FAM193A: variants seen among roughly 807,000 people sequenced by gnomAD.
FAM193A encodes protein FAM193A.
In FAM193A, 22 loss-of-function variants were observed where a neutral mutation model predicts 126.5. That is an observed-to-expected ratio of 0.17 (90% CI 0.12 to 0.25). FAM193A has a LOEUF of 0.25. Among genes scored for constraint, FAM193A ranks in the 10% least tolerant of loss-of-function variants. The pLI, the probability that FAM193A is intolerant of heterozygous loss-of-function variation, is 1.00. For synonymous variants in FAM193A, 761 were observed against 646.8 expected, an observed-to-expected ratio of 1.18 and a Z score of -2.68; for missense variants, 1,675 against 1,672.8, an observed-to-expected ratio of 1.00 and a Z score of -0.02.
intron 1 of FAM193A, among the ~76,000 whole-genome samples, chr4:2,562,366 C>G (rs145473255): frequency 9.9e-5 from 15 of 152,168 alleles, no homozygotes; most frequent in Admixed American, 2.6e-4. Context: ...GCAGAAGGAT[C>G]GCTTGAGCTT....
At chr4:2,607,257 G>A (rs975317194) in intron 2 of FAM193A, among the ~76,000 whole-genome samples, 3 of 151,788 alleles carry the variant, frequency 2.0e-5, no homozygotes, top group African/African-American at 4.8e-5. Context: ...CTTTTTTCCC[G>A]CCTCACAGCT....
At chr4:2,631,322 C>T (rs975233613) in intron 5 of FAM193A, among the ~76,000 whole-genome samples, 153 bp downstream of exon 5, 6 of 152,138 alleles carry the variant, frequency 3.9e-5, no homozygotes, top group African/African-American at 1.2e-4. Flanking sequence ...GACCTGTTTC[C>T]TCTCCTCTTT....
At chr4:2,549,752 G>A (rs1022616044) in intron 1 of FAM193A, among the ~76,000 whole-genome samples, 3 of 151,386 alleles carry the variant, frequency 2.0e-5, no homozygotes, top group Non-Finnish European at 1.5e-5. Flanking sequence ...CTTTGAGATG[G>A]AGTCTCACTC....
At chr4:2,646,570 C>T (rs1248253929) in intron 6 of FAM193A, 115 bp from the exon 7 acceptor site, 9 of 1,139,306 alleles carry the variant, frequency 7.9e-6, no homozygotes, top group Non-Finnish European at 1.1e-5. Flanking sequence ...ACCCTGTTTT[C>T]CACGTTGGGA....
intron 1 of FAM193A, among the ~76,000 whole-genome samples, chr4:2,565,245 T>C (rs1413638552): frequency 1.4e-5 from 2 of 138,244 alleles, no homozygotes; most frequent in African/African-American, 5.4e-5. Context: ...TACACAATGA[T>C]AGAGTAGCCT....
rs372601273 is a variant in FAM193A at position 2,645,230 on chromosome 4, T to C, written c.1164-1455T>C. On this transcript the variant is annotated intron_variant, in intron 6 of 20. Coordinates refer to ENST00000637812, the MANE Select transcript of FAM193A (RefSeq NM_001366318.2). Reference sequence around the variant, plus strand: ...TGCTCTTGATATATTATAAACATGGTATTTGATTCTAAGCCATCCTTGTCA... The same window carrying C: ...TGCTCTTGATATATTATAAACATGGCATTTGATTCTAAGCCATCCTTGTCA... Among the ~76,000 whole-genome samples the C allele has an allele frequency of 2.6e-5, 4 of 152,348 alleles. 1 individual carries two copies. Among genetic ancestry groups the C allele is most frequent in the East Asian group, 1.9e-4 (1 of 5,190 alleles).
chr4:2,631,253 G>A, intron 5 of FAM193A, 84 bp downstream of exon 5: 1 of 1,309,104 alleles, frequency 7.6e-7, no homozygotes, highest in South Asian at 1.4e-5. Context: ...ACGCATGTGT[G>A]CCGACCTCGC....
At position 2,732,153 on chromosome 4, in the gene FAM193A, G is replaced by C. The variant is rs183426548; in HGVS notation, c.*285G>C. On this transcript the variant is annotated 3_prime_UTR_variant, in exon 21 of 21. Coordinates refer to ENST00000637812, the MANE Select transcript of FAM193A (RefSeq NM_001366318.2). ...CACCGCGGCCTCGGAGGCCTGGGCC[G>C]TGGCCAGATAGGAGTTTGCATCATC... 4 of 455,736 alleles carry C rather than the reference G, an allele frequency of 8.8e-6. No individual in the cohort carries two copies. In the Admixed American group the frequency reaches 1.4e-4, roughly 16 times the overall value. The allele number at this position is 455,736 out of a possible 1,614,324, so 28.2% of individuals were successfully genotyped here. A position where few individuals can be genotyped will look rare whatever the true frequency, so the allele number is the denominator to read the frequency against.
intron 20 of FAM193A, among the ~76,000 whole-genome samples, chr4:2,728,045 C>T (rs150389209): frequency 0.047 from 7,186 of 152,038 alleles, 532 homozygotes; most frequent in African/African-American, 0.15. Flanking sequence ...GATGCTCCTG[C>T]CTCAGCATCC....
chr4:2,626,535 C>T lies in FAM193A; in HGVS notation c.761C>T (p.Ser254Phe). Reference protein sequence around the residue: ...GTPLADDQDQSLVPDKEGVKE... With the variant: ...GTPLADDQDQFLVPDKEGVKE... Reference sequence around the variant, plus strand: ...CCGCTGGCAGATGACCAGGACCAGTCTCTGGTGCCTGACAAGGAGGGAGTG... The same window carrying T: ...CCGCTGGCAGATGACCAGGACCAGTTTCTGGTGCCTGACAAGGAGGGAGTG... Residue 254 changes from serine (S) to phenylalanine (F), a missense_variant, in exon 4 of 21, where the codon TCT (serine) becomes TTT (phenylalanine). Transcript: ENST00000637812. 1 of 702,192 alleles carries T rather than the reference C, an allele frequency of 1.4e-6. No homozygotes were observed. Among genetic ancestry groups the T allele is most frequent in the Non-Finnish European group, 2.6e-6 (1 of 384,876 alleles). 43.5% of individuals were successfully genotyped at this position (702,192 alleles called of 1,614,324 possible). A position where few individuals can be genotyped will look rare whatever the true frequency, so the allele number is the denominator to read the frequency against.
intron 2 of FAM193A, among the ~76,000 whole-genome samples, chr4:2,598,882 T>A (rs1741026760): frequency 6.6e-6 from 1 of 152,172 alleles, no homozygotes; most frequent in Non-Finnish European, 1.5e-5. Flanking sequence ...AGTTCCCCCC[T>A]CTAGCCTGAC....
intron 1 of FAM193A, among the ~76,000 whole-genome samples, chr4:2,566,491 A>G (rs1339134527): frequency 6.6e-6 from 1 of 152,010 alleles, no homozygotes; most frequent in East Asian, 1.9e-4. Context: ...GAAGTTTGAG[A>G]CCAGCCTGGC....
At chr4:2,728,747 G>GT (rs1306154216) in intron 20 of FAM193A, among the ~76,000 whole-genome samples, 2 of 152,016 alleles carry the variant, frequency 1.3e-5, no homozygotes, top group Non-Finnish European at 2.9e-5. Context: ...TATGATAGGG[G>GT]TTTTTTGTTG....
intron 12 of FAM193A, among the ~76,000 whole-genome samples, 177 bp from the exon 13 acceptor site, chr4:2,671,944 C>T (rs532276116): frequency 6.6e-6 from 1 of 152,364 alleles, no homozygotes; most frequent in East Asian, 1.9e-4. Flanking sequence ...TCTTCAGTCT[C>T]AGTCTCTTGG....
Position 2,606,944 on chromosome 4 carries a change from G to A in FAM193A, c.501+10615G>A, listed in dbSNP as rs917023195. On this transcript the variant is annotated intron_variant, in intron 2 of 20. Coordinates refer to ENST00000637812, the MANE Select transcript of FAM193A (RefSeq NM_001366318.2). ...TAGTGCCAAATTGCCTTGAAGTGAC[G>A]GACTCATTTTGTTCATTTTGGAAAA... Among the ~76,000 whole-genome samples, 4 of 152,178 alleles carry A rather than the reference G, an allele frequency of 2.6e-5. No individual in the cohort carries two copies. In the South Asian group the frequency reaches 6.2e-4, roughly 24 times the overall value.
chr4:2,598,898 G>A (rs1741027597), intron 2 of FAM193A, among the ~76,000 whole-genome samples: 1 of 152,168 alleles, frequency 6.6e-6, no homozygotes, highest in Non-Finnish European at 1.5e-5. Context: ...CTGACTCTTG[G>A]GCAGCTCTGT....
Position 2,540,354 on chromosome 4 carries a change from G to A in FAM193A, c.255+3184G>A, listed in dbSNP as rs570333575. Among the ~76,000 whole-genome samples, 24 of 152,286 alleles carry A rather than the reference G, an allele frequency of 1.6e-4. No individual in the cohort carries two copies. The South Asian group carries it at 4.3e-3, about 28-fold the overall frequency. On this transcript the variant is annotated intron_variant, in intron 1 of 20. Transcript: ENST00000637812. ...GTGGTGGCGGGCACCTGTAGTCCCA[G>A]CTACTCCGGAGGCTGAGGCAGGAGA...
chr4:2,691,963 A>G (rs1311491537), intron 15 of FAM193A, among the ~76,000 whole-genome samples: 2 of 152,094 alleles, frequency 1.3e-5, no homozygotes, highest in Non-Finnish European at 2.9e-5. Flanking sequence ...CCCCAGGGTA[A>G]CAGCTGGTGC....
At chr4:2,648,195 C>CT (rs1216688948) in intron 7 of FAM193A, among the ~76,000 whole-genome samples, 1 of 152,186 alleles carries the variant, frequency 6.6e-6, no homozygotes, top group East Asian at 1.9e-4. Flanking sequence ...GGCCTGCTGG[C>CT]TTTTTTTGAA....
Sources: gnomAD v4.1 joint callset for allele counts (sites outside exome capture counted in the v4.1 genomes callset) on GRCh38, gnomAD v4.1.1 for gene constraint, MANE v1.5 for transcripts, NCBI Gene and HGNC (gene_info 2026-07-23, HGNC 2026-07-21) for gene names.